HEATR4: variants seen among roughly 807,000 people sequenced by gnomAD.
HEATR4 encodes the protein HEAT repeat containing 4, also known as HEAT repeat-containing protein 4.
HEATR4 carries 95 observed loss-of-function variants against 108.8 expected under a neutral mutation model. That is an observed-to-expected ratio of 0.87 (90% CI 0.74 to 1.04). The LOEUF (loss-of-function observed/expected upper bound fraction) is 1.04. Among genes scored for constraint, HEATR4 ranks in the 50% least tolerant of loss-of-function variants. The probability of loss-of-function intolerance (pLI) is 0.00; values close to 1 mark genes in which losing one functional copy is unlikely to be tolerated. For synonymous variants in HEATR4, 443 were observed against 459.4 expected, an observed-to-expected ratio of 0.96 and a Z score of 0.46; for missense variants, 1,152 against 1,253.8, an observed-to-expected ratio of 0.92 and a Z score of 1.23.
At chr14:73,594,762 G>A in the HEATR4 span, among the ~76,000 whole-genome samples, 6 of 151,976 alleles carry the variant, frequency 3.9e-5, no homozygotes, top group African/African-American at 1.2e-4. Context: ...GCGCAGTGGC[G>A]CAATCTCGGC....
chr14:73,563,539 G>A (rs1430007838), upstream of HEATR4, among the ~76,000 whole-genome samples: 1 of 152,046 alleles, frequency 6.6e-6, no homozygotes, highest in Non-Finnish European at 1.5e-5. Context: ...AGGTTGCAGT[G>A]AGCTGAGATC....
rs1047675805 is a variant in HEATR4 at position 73,541,050 on chromosome 14, T to C, written c.-151-10806A>G. Among the ~76,000 whole-genome samples the C allele has an allele frequency of 6.1e-5, 7 of 114,454 alleles. 2 individuals are homozygous for C. Among genetic ancestry groups the C allele is most frequent in the Non-Finnish European group, 1.1e-4 (6 of 52,782 alleles). The allele number at this position is 114,454 out of a possible 152,430, so 75.1% of individuals were successfully genotyped here. On this transcript the variant is annotated intron_variant, in intron 1 of 17. Coordinates refer to ENST00000553558, the MANE Select transcript of HEATR4 (RefSeq NM_001220484.1). ...AGCCACCAGACCCAGCCTGCATTAT[T>C]ATTCTTTAATTTTGTGTGAAACACA...
At chr14:73,586,818 C>T in the HEATR4 span, among the ~76,000 whole-genome samples, 2 of 152,002 alleles carry the variant, frequency 1.3e-5, no homozygotes, top group Non-Finnish European at 1.5e-5. Context: ...CTCAAGCCAT[C>T]TTCCCATCCC....
intron 7 of HEATR4, 76 bp from the exon 8 acceptor site, chr14:73,509,549 TGTG>T (rs1887071230): frequency 6.7e-7 from 1 of 1,494,114 alleles, no homozygotes; most frequent in Non-Finnish European, 9.3e-7. Flanking sequence ...CCTACAGCCA[TGTG>T]GTGGCCAACC....
the HEATR4 span, among the ~76,000 whole-genome samples, chr14:73,594,443 C>T: frequency 9.2e-5 from 1 of 10,898 alleles, no homozygotes; most frequent in Non-Finnish European, 1.5e-4. Flanking sequence ...TGTGGCTCAG[C>T]GGCTCAGCGG....
At chr14:73,619,084 TGC>T in the HEATR4 span, 3 of 970,314 alleles carry the variant, frequency 3.1e-6, no homozygotes, top group Non-Finnish European at 4.4e-6. Context: ...GAGCCAAGAT[TGC>T]ACCACTGCAC....
chr14:73,487,544 G>T (rs1297018530), intron 17 of HEATR4, among the ~76,000 whole-genome samples: 2 of 152,172 alleles, frequency 1.3e-5, no homozygotes, highest in Non-Finnish European at 2.9e-5. Context: ...CTCCAGCCTG[G>T]ATGACAGAGC....
At chr14:73,594,864 C>A in the HEATR4 span, among the ~76,000 whole-genome samples, 1 of 152,098 alleles carries the variant, frequency 6.6e-6, no homozygotes, top group East Asian at 1.9e-4. Context: ...CCACACTCGG[C>A]TAATTTTTTT....
At chr14:73,525,482 C>T (rs772075924) in intron 2 of HEATR4, among the ~76,000 whole-genome samples, 8 of 152,124 alleles carry the variant, frequency 5.3e-5, no homozygotes, top group Non-Finnish European at 8.8e-5. Context: ...ATGAAGGCAA[C>T]GTCTTCATGA....
chr14:73,612,659 C>T, the HEATR4 span: 1 of 1,410,610 alleles, frequency 7.1e-7, no homozygotes, highest in African/African-American at 1.5e-5. Context: ...GGCCCCGGAG[C>T]AGCCAGTCAC....
intron 7 of HEATR4, among the ~76,000 whole-genome samples, chr14:73,510,442 G>T (rs1331789251): frequency 6.8e-6 from 1 of 146,766 alleles, no homozygotes; most frequent in Non-Finnish European, 1.5e-5. Flanking sequence ...TTTTGTTTTT[G>T]TTTTTTTTTT....
At chr14:73,485,760 C>T (rs1244382700) in intron 17 of HEATR4, among the ~76,000 whole-genome samples, 1 of 151,892 alleles carries the variant, frequency 6.6e-6, no homozygotes, top group Non-Finnish European at 1.5e-5. Context: ...GTAATCCAAG[C>T]TACTCAGGTG....
At chr14:73,597,798 T>C in the HEATR4 span, among the ~76,000 whole-genome samples, 8 of 151,862 alleles carry the variant, frequency 5.3e-5, no homozygotes, top group African/African-American at 1.9e-4. Flanking sequence ...TTTACCATAT[T>C]GGCCAGGCTG....
intron 8 of HEATR4, among the ~76,000 whole-genome samples, chr14:73,508,751 CAAAAAA>C (rs770608293): frequency 8.6e-5 from 5 of 57,882 alleles, no homozygotes; most frequent in Non-Finnish European, 1.3e-4. Flanking sequence ...AACTCTGTCT[CAAAAAA>C]AAAAAAAAAA....
the HEATR4 span, among the ~76,000 whole-genome samples, chr14:73,566,111 T>C: frequency 2.0e-5 from 3 of 152,174 alleles, no homozygotes; most frequent in Non-Finnish European, 2.9e-5. Flanking sequence ...AGAGTGTTGA[T>C]TGGTGCATTC....
chr14:73,504,521 T>C (rs1057458050), intron 10 of HEATR4, among the ~76,000 whole-genome samples: 7 of 152,154 alleles, frequency 4.6e-5, no homozygotes, highest in South Asian at 4.2e-4. Context: ...GGATTACAGG[T>C]GCGAGCCACT....
chr14:73,604,375 G>C, the HEATR4 span, among the ~76,000 whole-genome samples: 1 of 151,404 alleles, frequency 6.6e-6, no homozygotes, highest in East Asian at 2.0e-4. Context: ...ATGTTGGCCA[G>C]GCTGGTCTCA....
rs59164759 is a variant in HEATR4, at chr14:73,499,355, C to A, written c.2287-215G>T. Among the ~76,000 whole-genome samples the A allele has an allele frequency of 6.7e-3, 1,021 of 152,268 alleles. 21 individuals are homozygous for A. The highest frequency in any genetic ancestry group is 0.039 in the East Asian group (202 of 5,186). ...AATTAGCCGGGCATGGTGTCACACG[C>A]CTGTAATCCCAGCTACTCGGAGGCT... On this transcript the variant is annotated intron_variant, in intron 12 of 17. Coordinates refer to ENST00000553558, the MANE Select transcript of HEATR4 (RefSeq NM_001220484.1).
chr14:73,527,685 TACACAGTCAGGGCCAGGCAGGATGGCTC>T (rs1888419189), intron 2 of HEATR4, among the ~76,000 whole-genome samples: 1 of 151,732 alleles, frequency 6.6e-6, no homozygotes, highest in African/African-American at 2.4e-5. Flanking sequence ...TATATGAAAA[TACACAGTCAGGGCCAGGCAGGATGGCTC>T]ATGCCTGTAA....
Sources: allele counts gnomAD v4.1 joint callset (sites outside exome capture counted in the v4.1 genomes callset), GRCh38; gene constraint gnomAD v4.1.1; transcripts MANE v1.5; gene names NCBI Gene and HGNC (gene_info 2026-07-23, HGNC 2026-07-21).